The following HDGFL3 variants were observed in gnomAD, a reference collection of about 807,000 sequenced individuals.
HDGFL3 encodes the protein hepatoma-derived growth factor-related protein 3.
HDGFL3 carries 6 observed loss-of-function variants against 27.6 expected under a neutral mutation model. That is an observed-to-expected ratio of 0.22 (90% CI 0.12 to 0.43). The LOEUF (loss-of-function observed/expected upper bound fraction) is 0.43. HDGFL3 is among the 20% of genes least tolerant of loss of function. HDGFL3 has a pLI of 1.00. For synonymous variants in HDGFL3, 88 were observed against 88.9 expected, an observed-to-expected ratio of 0.99 and a Z score of 0.05; for missense variants, 207 against 250.1, an observed-to-expected ratio of 0.83 and a Z score of 1.16.
chr15:83,206,852 C>A (rs2037723339), intron 1 of HDGFL3, among the ~76,000 whole-genome samples: 1 of 152,260 alleles, frequency 6.6e-6, no homozygotes, highest in Admixed American at 6.5e-5. Context: ...AAGAGGCTCC[C>A]GCTGGCCTCT....
chr15:83,200,004 C>T (rs2037620389), intron 1 of HDGFL3, among the ~76,000 whole-genome samples: 1 of 146,024 alleles, frequency 6.8e-6, no homozygotes, highest in African/African-American at 2.6e-5. Context: ...GAGATCGCCC[C>T]ACTGCACTCC....
chr15:83,116,304 GT>G (rs1450778626), intron 3 of HDGFL3, among the ~76,000 whole-genome samples: 6 of 152,144 alleles, frequency 3.9e-5, no homozygotes, highest in African/African-American at 1.4e-4. Context: ...TCTTAAATTT[GT>G]AAAGTACCCA....
At chr15:83,148,263 A>C (rs1286995570) in intron 5 of HDGFL3, among the ~76,000 whole-genome samples, 1 of 152,108 alleles carries the variant, frequency 6.6e-6, no homozygotes, top group Admixed American at 6.6e-5. Context: ...ATCCTAAATA[A>C]ACTCTTGTAC....
At chr15:83,165,288 T>G in intron 1 of HDGFL3, among the ~76,000 whole-genome samples, 1 of 152,246 alleles carries the variant, frequency 6.6e-6, no homozygotes, top group Non-Finnish European at 1.5e-5. Flanking sequence ...TGTCACTTAT[T>G]GGCTGTGTGA....
chr15:83,159,194 A>G (rs1254368207), intron 2 of HDGFL3, among the ~76,000 whole-genome samples: 1 of 152,240 alleles, frequency 6.6e-6, no homozygotes, highest in African/African-American at 2.4e-5. Flanking sequence ...GCACTAAGAA[A>G]AAAATTAGAA....
intron 1 of HDGFL3, among the ~76,000 whole-genome samples, chr15:83,182,430 G>A (rs2037392643): frequency 6.6e-6 from 1 of 152,190 alleles, no homozygotes; most frequent in South Asian, 2.1e-4. Flanking sequence ...TAGCCCAGGT[G>A]TCCTAATGAA....
chr15:83,159,618 T>C (rs926889410), intron 2 of HDGFL3, among the ~76,000 whole-genome samples: 1 of 152,026 alleles, frequency 6.6e-6, no homozygotes, highest in Non-Finnish European at 1.5e-5. Flanking sequence ...ATTATAGATA[T>C]ACAGATCAAG....
intron 1 of HDGFL3, among the ~76,000 whole-genome samples, chr15:83,175,786 G>C (rs898015052): frequency 6.6e-6 from 1 of 152,212 alleles, no homozygotes; most frequent in Non-Finnish European, 1.5e-5. Flanking sequence ...TGTGAACCCG[G>C]GAGGCAGAGC....
In HDGFL3 at chr15:83,159,914, G is replaced by A. The variant is rs373607065; in HGVS notation, c.162-1873C>T. Among the ~76,000 whole-genome samples the A allele has an allele frequency of 2.3e-3, 348 of 152,316 alleles. 4 individuals are homozygous for A. Among genetic ancestry groups the A allele is most frequent in the African/African-American group, 8.0e-3 (334 of 41,558 alleles). ...TTGAGTGAGATGGGAAGCCATTAAA[G>A]GTTCTGAGAAGAGAAGTGGCAATTT... is the stretch of plus-strand genomic sequence containing the variant. On this transcript the variant is annotated intron_variant, in intron 2 of 5. Transcript: ENST00000299633.
intron 5 of HDGFL3, among the ~76,000 whole-genome samples, chr15:83,145,274 C>T (rs898900215): frequency 1.3e-5 from 2 of 152,136 alleles, no homozygotes; most frequent in South Asian, 4.1e-4. Context: ...TTTACGGCCT[C>T]ATTTCTTAAC....
chr15:83,188,305 G>A (rs1240593364), intron 1 of HDGFL3, among the ~76,000 whole-genome samples: 3 of 152,090 alleles, frequency 2.0e-5, no homozygotes, highest in South Asian at 4.2e-4. Context: ...CCAGGCTGGA[G>A]GGCAGTGGTG....
Position 83,131,750 on chromosome 15 carries a change from T to G in HDGFL3, c.*7520A>C, listed in dbSNP as rs941332486. ...GATCAAGGAAAGAGTAAAAGAAGATTGAATAAAATGAAACCAGGACACATT... is the reference window on the plus strand; with the variant it reads ...GATCAAGGAAAGAGTAAAAGAAGATGGAATAAAATGAAACCAGGACACATT... On this transcript the variant is annotated 3_prime_UTR_variant, in exon 6 of 6. Coordinates refer to ENST00000299633, the MANE Select transcript of HDGFL3 (RefSeq NM_016073.4). 1 of 152,242 alleles carries G rather than the reference T, an allele frequency of 6.6e-6. No homozygotes were observed. Among genetic ancestry groups the G allele is most frequent in the South Asian group, 2.1e-4 (1 of 4,826 alleles). The allele number at this position is 152,242 out of a possible 1,614,324, so 9.4% of individuals were successfully genotyped here.
intron 5 of HDGFL3, among the ~76,000 whole-genome samples, chr15:83,148,616 C>T (rs760393450): frequency 4.1e-4 from 62 of 150,382 alleles, no homozygotes; most frequent in African/African-American, 1.4e-3. Context: ...AGTGAGACTC[C>T]GTCTCGAAAA....
chr15:83,157,775 C>T, intron 3 of HDGFL3, 128 bp downstream of exon 3: 1 of 990,058 alleles, frequency 1.0e-6, no homozygotes, highest in Non-Finnish European at 1.5e-6. Flanking sequence ...ATCCAAAATG[C>T]TACTGGAGTC....
chr15:83,136,453 C>CTCAAT lies in HDGFL3; in HGVS notation c.*2812_*2816dup. On this transcript the variant is annotated 3_prime_UTR_variant, in exon 6 of 6. Transcript: ENST00000299633. The stretch of plus-strand genomic sequence containing the variant: ...TCCAACTGAACACGTTTCATGCTTA[C>CTCAAT]TCAATTTTTTTTTTTTAAATGCAAC... The CTCAAT allele has an allele frequency of 6.5e-7, 1 of 1,531,606 alleles. No homozygotes were observed. Among genetic ancestry groups the CTCAAT allele is most frequent in the Non-Finnish European group, 8.8e-7 (1 of 1,133,090 alleles). The allele number at this position is 1,531,606 out of a possible 1,614,324, so 94.9% of individuals were successfully genotyped here. A position where few individuals can be genotyped will look rare whatever the true frequency, so the allele number is the denominator to read the frequency against.
intron 1 of HDGFL3, among the ~76,000 whole-genome samples, chr15:83,170,606 C>A (rs1222854261): frequency 6.6e-6 from 1 of 152,138 alleles, no homozygotes. Context: ...AGACCTCAAA[C>A]TATAAGAATC....
chr15:83,129,620 C>G lies in HDGFL3; in HGVS notation c.*9650G>C, dbSNP rs1313812328. ...GTCTGACTCCAAAGCTCATATTCTTCTCCATTGTGTTATCTCACCCACCCC... is the reference window on the plus strand; with the variant it reads ...GTCTGACTCCAAAGCTCATATTCTTGTCCATTGTGTTATCTCACCCACCCC... On this transcript the variant is annotated 3_prime_UTR_variant, in exon 6 of 6. Coordinates refer to ENST00000299633, the MANE Select transcript of HDGFL3 (RefSeq NM_016073.4). The G allele has an allele frequency of 6.6e-6, 1 of 152,264 alleles. No individual in the cohort carries two copies. The highest frequency in any genetic ancestry group is 6.5e-5 in the Admixed American group (1 of 15,278). The allele number at this position is 152,264 out of a possible 1,614,324, so 9.4% of individuals were successfully genotyped here.
Position 83,128,328 on chromosome 15 carries a change from A to G in HDGFL3, c.*10942T>C, listed in dbSNP as rs1316417129. 3 of 152,172 alleles carry G rather than the reference A, an allele frequency of 2.0e-5. No individual in the cohort carries two copies. The highest frequency in any genetic ancestry group is 2.0e-4 in the Admixed American group (3 of 15,276). 9.4% of individuals were successfully genotyped at this position (152,172 alleles called of 1,614,324 possible). On this transcript the variant is annotated 3_prime_UTR_variant, in exon 6 of 6. Coordinates refer to ENST00000299633, the MANE Select transcript of HDGFL3 (RefSeq NM_016073.4). ...AGGGGTCAATGCATTAAATCCTTTCAGTTTGAGGTAATTCTTAATTATAAA... is the reference window on the plus strand; with the variant it reads ...AGGGGTCAATGCATTAAATCCTTTCGGTTTGAGGTAATTCTTAATTATAAA...
chr15:83,143,382 C>G (rs933711564), intron 5 of HDGFL3, among the ~76,000 whole-genome samples: 1 of 151,848 alleles, frequency 6.6e-6, no homozygotes, highest in Non-Finnish European at 1.5e-5. Context: ...GTCTGGAGTT[C>G]GAGACCAGCC....
Sources: gnomAD v4.1 joint callset for allele counts (sites outside exome capture counted in the v4.1 genomes callset) on GRCh38, gnomAD v4.1.1 for gene constraint, MANE v1.5 for transcripts, NCBI Gene and HGNC (gene_info 2026-07-23, HGNC 2026-07-21) for gene names.